NHSL2: variants seen among roughly 807,000 people sequenced by gnomAD.
The protein encoded by NHSL2 is NHS like 2.
A neutral mutation model predicts 53.4 loss-of-function variants in NHSL2; 27 were observed. That is an observed-to-expected ratio of 0.51 (90% CI 0.37 to 0.70). NHSL2 has a LOEUF of 0.70. Ranked by LOEUF, NHSL2 falls within the 30% of genes least tolerant of loss-of-function variation. NHSL2 has a pLI of 0.00. For synonymous variants in NHSL2, 408 were observed against 404.1 expected (o/e 1.01, Z -0.12); for missense variants, 892 against 980.1 (o/e 0.91, Z 1.20).
chrX:72,039,371 A>G (rs913020831), intron 1 of NHSL2, among the ~76,000 whole-genome samples: 7 of 111,517 alleles, frequency 6.3e-5, no homozygotes, highest in Middle Eastern at 4.6e-3. Context: ...TGGCTGTACC[A>G]CAATTTATTT....
rs767444398 is a variant in NHSL2, at chrX:72,131,223, G to C, written c.281-856G>C. On this transcript the variant is annotated intron_variant, in intron 1 of 7. Coordinates refer to ENST00000633930, the MANE Select transcript of NHSL2 (RefSeq NM_001013627.3). ...CGGGGGTGCTGCGATCCTGGATCACGTTAATCAAAAGATCATCCGAGATAC... is the reference window on the plus strand; with the variant it reads ...CGGGGGTGCTGCGATCCTGGATCACCTTAATCAAAAGATCATCCGAGATAC... The C allele has an allele frequency of 4.2e-6, 5 of 1,203,126 alleles. No individual in the cohort carries two copies. The South Asian group carries it at 7.1e-5, about 17-fold the overall frequency.
chrX:72,143,470 C>T lies in NHSL2; in HGVS notation c.3574C>T (p.Arg1192Cys). ...KKGSKATPRS[R>C]PSAAELLKTT... Reference sequence around the variant, plus strand: ...GGGAAGTAAGGCAACTCCAAGGTCTCGTCCCTCAGCAGCTGAACTTCTGAA... The same window carrying T: ...GGGAAGTAAGGCAACTCCAAGGTCTTGTCCCTCAGCAGCTGAACTTCTGAA... The change falls in exon 8 of 8, where the codon CGT (arginine) becomes TGT (cysteine). Residue 1192 changes from arginine (R) to cysteine (C), a missense_variant. Coordinates refer to ENST00000633930, the MANE Select transcript of NHSL2 (RefSeq NM_001013627.3). 2 of 1,165,703 alleles carry T rather than the reference C, an allele frequency of 1.7e-6. No homozygotes were observed. Among genetic ancestry groups the T allele is most frequent in the Non-Finnish European group, 1.1e-6 (1 of 871,116 alleles).
intron 1 of NHSL2, among the ~76,000 whole-genome samples, chrX:72,024,809 T>C (rs1412317039): frequency 8.9e-6 from 1 of 112,393 alleles, no homozygotes; most frequent in African/African-American, 3.2e-5. Context: ...TCGTGTTATA[T>C]TGAAGGTGTT....
intron 2 of NHSL2, among the ~76,000 whole-genome samples, chrX:72,133,077 A>G (rs1179263189): frequency 1.8e-5 from 2 of 112,343 alleles, no homozygotes; most frequent in Non-Finnish European, 3.8e-5. Context: ...CACACAGAAA[A>G]AGAGTCGATG....
intron 1 of NHSL2, among the ~76,000 whole-genome samples, chrX:71,959,809 C>T (rs1360330908): frequency 8.9e-6 from 1 of 112,164 alleles, no homozygotes; most frequent in Non-Finnish European, 1.9e-5. Flanking sequence ...ATATATCATT[C>T]TCTTTTTTTT....
intron 1 of NHSL2, among the ~76,000 whole-genome samples, chrX:72,101,653 A>G (rs1057386430): frequency 9.1e-6 from 1 of 109,857 alleles, no homozygotes; most frequent in African/African-American, 3.3e-5. Flanking sequence ...GGAGAAAGGA[A>G]TTTCCTCCTG....
In NHSL2 at chrX:72,132,921, C is replaced by T. The variant is rs2042320469; in HGVS notation, c.436+687C>T. On this transcript the variant is annotated intron_variant, in intron 2 of 7. Coordinates refer to ENST00000633930, the MANE Select transcript of NHSL2 (RefSeq NM_001013627.3). ...CTTTATCTATACTAATAAAGGTTAA[C>T]TCTAATGGCGAATAGAAAACTGCTG... is the stretch of plus-strand genomic sequence containing the variant. Among the ~76,000 whole-genome samples, 6 of 111,929 alleles carry T rather than the reference C, an allele frequency of 5.4e-5. No homozygotes were observed. In the Admixed American group the frequency reaches 5.6e-4, roughly 11 times the overall value.
chrX:71,981,904 A>G (rs992690113), intron 1 of NHSL2, among the ~76,000 whole-genome samples: 4 of 112,267 alleles, frequency 3.6e-5, no homozygotes, highest in African/African-American at 1.3e-4. Flanking sequence ...TATGGAAAAC[A>G]GTACAGCAGT....
At chrX:72,085,868 C>T (rs1296160767) in intron 1 of NHSL2, among the ~76,000 whole-genome samples, 2 of 110,189 alleles carry the variant, frequency 1.8e-5, no homozygotes, top group Admixed American at 9.7e-5. Flanking sequence ...ACCTTTGTGC[C>T]CACCCTCCTC....
intron 1 of NHSL2, among the ~76,000 whole-genome samples, chrX:72,010,415 T>C (rs1315357394): frequency 8.9e-6 from 1 of 112,046 alleles, no homozygotes; most frequent in Non-Finnish European, 1.9e-5. Context: ...ACAAATAACA[T>C]AGGAATAATA....
At chrX:72,142,912 C>T (rs1413913125) in intron 7 of NHSL2, among the ~76,000 whole-genome samples, 1 of 111,628 alleles carries the variant, frequency 9.0e-6, no homozygotes, top group Non-Finnish European at 1.9e-5. Context: ...TGGAGCTAGA[C>T]CACCAGTCCA....
chrX:72,076,175 T>C (rs57229019), intron 1 of NHSL2, among the ~76,000 whole-genome samples: 13,043 of 110,592 alleles, frequency 0.12, 873 homozygotes, highest in African/African-American at 0.25. Context: ...TCAGGTGATC[T>C]GCCTGCCTTG....
At chrX:71,982,960 G>A (rs1354924857) in intron 1 of NHSL2, among the ~76,000 whole-genome samples, 1 of 112,280 alleles carries the variant, frequency 8.9e-6, no homozygotes, top group Non-Finnish European at 1.9e-5. Context: ...ACTGGTGTGT[G>A]AAGAAGGGGG....
At chrX:72,020,742 T>C (rs2042156240) in intron 1 of NHSL2, among the ~76,000 whole-genome samples, 1 of 112,877 alleles carries the variant, frequency 8.9e-6, no homozygotes, top group Admixed American at 9.3e-5. Flanking sequence ...ACACAGTGGC[T>C]CCTTTTTTGC....
At chrX:71,947,786 A>G (rs1008776402) in intron 1 of NHSL2, among the ~76,000 whole-genome samples, 2 of 112,118 alleles carry the variant, frequency 1.8e-5, no homozygotes, top group East Asian at 2.8e-4. Flanking sequence ...AAGTGAAGTA[A>G]CTCAGGAATG....
intron 1 of NHSL2, among the ~76,000 whole-genome samples, chrX:71,953,303 A>G (rs1349973978): frequency 8.9e-6 from 1 of 112,209 alleles, no homozygotes; most frequent in Non-Finnish European, 1.9e-5. Flanking sequence ...TCCCCCAGAG[A>G]GTGGGAGTCC....
In NHSL2 at chrX:72,109,809, C is replaced by T. The variant is rs773145486; in HGVS notation, c.281-22270C>T. Reference sequence around the variant, plus strand: ...GAGAAAGGCTGGGGCTCTGTCCTTCCGTGTGCTGCTTTATATGGCTAACTT... The same window carrying T: ...GAGAAAGGCTGGGGCTCTGTCCTTCTGTGTGCTGCTTTATATGGCTAACTT... On this transcript the variant is annotated intron_variant, in intron 1 of 7. Transcript: ENST00000633930. Among the ~76,000 whole-genome samples the T allele has an allele frequency of 4.5e-5, 5 of 111,496 alleles. No homozygotes were observed. In the East Asian group the frequency reaches 1.4e-3, roughly 31 times the overall value.
Position 72,145,671 on chromosome X carries a change from G to A in NHSL2, c.*2097G>A, listed in dbSNP as rs770708579. On this transcript the variant is annotated 3_prime_UTR_variant, in exon 8 of 8. Transcript: ENST00000633930. The stretch of plus-strand genomic sequence containing the variant: ...GTTTGTGCTTTTGCTTAGCAAAAAT[G>A]AAAGGACACCAGGGTCTCCTTGGGA... 2.7e-5 allele frequency: 3 copies of A among 112,733 alleles called. No individual in the cohort carries two copies. The highest frequency in any genetic ancestry group is 9.6e-5 in the African/African-American group (3 of 31,115). The allele number at this position is 112,733 out of a possible 1,213,427, so 9.3% of individuals were successfully genotyped here. A position where few individuals can be genotyped will look rare whatever the true frequency, so the allele number is the denominator to read the frequency against.
intron 1 of NHSL2, among the ~76,000 whole-genome samples, chrX:72,046,936 T>C (rs1015163441): frequency 1.8e-5 from 2 of 111,477 alleles, no homozygotes; most frequent in Non-Finnish European, 3.8e-5. Context: ...GTTGTGCAGA[T>C]GGAAAGACTG....
Sources: allele counts gnomAD v4.1 joint callset (sites outside exome capture counted in the v4.1 genomes callset), GRCh38; gene constraint gnomAD v4.1.1; transcripts MANE v1.5; gene names NCBI Gene and HGNC (gene_info 2026-07-23, HGNC 2026-07-21).